RAB7A: variants seen among roughly 807,000 people sequenced by gnomAD.
The protein encoded by RAB7A is RAB7A, member RAS oncogene family.
Under a neutral mutation model 24.5 loss-of-function variants are expected in RAB7A, and 2 were observed. The observed-to-expected ratio is 0.08, with a 90% CI of 0.03 to 0.26. The LOEUF (loss-of-function observed/expected upper bound fraction) is 0.26, where lower values mean the gene tolerates loss of function less well. RAB7A is among the 10% of genes least tolerant of loss of function. The probability of loss-of-function intolerance (pLI) is 1.00; values close to 1 mark genes in which losing one functional copy is unlikely to be tolerated. For missense variants in RAB7A, 118 were observed against 255.7 expected (o/e 0.46, Z 3.67); for synonymous variants, 100 against 95.9 (o/e 1.04, Z -0.25).
chr3:128,746,513 A>G (rs890474723), intron 1 of RAB7A, among the ~76,000 whole-genome samples: 1 of 149,376 alleles, frequency 6.7e-6, no homozygotes, highest in Non-Finnish European at 1.5e-5. Flanking sequence ...TATTTTTTTT[A>G]TTTTTTTATT....
chr3:128,731,420 C>T (rs557730105), intron 1 of RAB7A, among the ~76,000 whole-genome samples: 77 of 152,344 alleles, frequency 5.1e-4, no homozygotes, highest in African/African-American at 1.8e-3. Context: ...CTGACCTGCA[C>T]CATGTTAATG....
chr3:128,743,175 C>T (rs557291060), intron 1 of RAB7A, among the ~76,000 whole-genome samples: 1 of 152,336 alleles, frequency 6.6e-6, no homozygotes, highest in East Asian at 1.9e-4. Context: ...GTGCTAAGCC[C>T]CTCACTGCCC....
chr3:128,757,908 C>T (rs938495155), intron 1 of RAB7A, among the ~76,000 whole-genome samples: 5 of 152,162 alleles, frequency 3.3e-5, no homozygotes, highest in Non-Finnish European at 5.9e-5. Context: ...GTCTTCCTGC[C>T]TCAGCCTCCC....
At chr3:128,783,905 C>T (rs1257620293) in intron 1 of RAB7A, among the ~76,000 whole-genome samples, 1 of 152,172 alleles carries the variant, frequency 6.6e-6, no homozygotes, top group East Asian at 1.9e-4. Context: ...CCTTTGAAAA[C>T]ATTCAGTATT....
chr3:128,812,802 C>T (rs1486589703), intron 5 of RAB7A, among the ~76,000 whole-genome samples: 2 of 152,086 alleles, frequency 1.3e-5, no homozygotes, highest in Admixed American at 6.5e-5. Flanking sequence ...CCATTGGTCC[C>T]GAAAAGTGGA....
intron 1 of RAB7A, among the ~76,000 whole-genome samples, chr3:128,780,394 T>A (rs1040105449): frequency 6.6e-6 from 1 of 151,920 alleles, no homozygotes; most frequent in Non-Finnish European, 1.5e-5. Flanking sequence ...GATGCCCTTG[T>A]CCAGGAAGGA....
rs971960418 is a variant in RAB7A, at chr3:128,814,575, C to T, written c.*1153C>T. The T allele has an allele frequency of 1.3e-5, 2 of 152,566 alleles. No homozygotes were observed. The highest frequency in any genetic ancestry group is 4.8e-5 in the African/African-American group (2 of 41,444). 9.5% of individuals were successfully genotyped at this position (152,566 alleles called of 1,614,324 possible). A position where few individuals can be genotyped will look rare whatever the true frequency, so the allele number is the denominator to read the frequency against. On this transcript the variant is annotated 3_prime_UTR_variant, in exon 6 of 6. Transcript: ENST00000265062. ...ATTCTTAGGTTAGCGGAGCTTTTTC[C>T]TCTTTTCCCCACCCATCTCCCCAAT...
intron 1 of RAB7A, among the ~76,000 whole-genome samples, chr3:128,786,293 T>G (rs1202943741): frequency 6.6e-6 from 1 of 152,166 alleles, no homozygotes; most frequent in African/African-American, 2.4e-5. Flanking sequence ...CCTAATTAGA[T>G]TCCTCAGTTT....
intron 1 of RAB7A, among the ~76,000 whole-genome samples, chr3:128,750,909 G>A (rs949352483): frequency 2.6e-5 from 4 of 152,194 alleles, no homozygotes; most frequent in South Asian, 2.1e-4. Context: ...GGTGCCCTGC[G>A]TCTCAGCAGC....
At chr3:128,735,816 GT>G (rs929424819) in intron 1 of RAB7A, among the ~76,000 whole-genome samples, 3 of 152,230 alleles carry the variant, frequency 2.0e-5, no homozygotes, top group Non-Finnish European at 4.4e-5. Context: ...TTATGTAACT[GT>G]TTTACTAGCT....
At chr3:128,788,291 A>T (rs535788104) in intron 1 of RAB7A, among the ~76,000 whole-genome samples, 1 of 152,222 alleles carries the variant, frequency 6.6e-6, no homozygotes, top group African/African-American at 2.4e-5. Flanking sequence ...TGTTGACTTA[A>T]TAAGGAAAGT....
chr3:128,749,284 A>G (rs897539660), intron 1 of RAB7A: 9 of 152,182 alleles, frequency 5.9e-5, no homozygotes, highest in African/African-American at 2.2e-4. Context: ...TGGTTGCTTG[A>G]GAGAGTTTGC....
chr3:128,793,436 G>T (rs1933503781), intron 1 of RAB7A, among the ~76,000 whole-genome samples: 1 of 151,198 alleles, frequency 6.6e-6, no homozygotes, highest in African/African-American at 2.4e-5. Flanking sequence ...TTACAAGCAT[G>T]AGCCACCGTG....
At chr3:128,785,508 C>T (rs1933318900) in intron 1 of RAB7A, 1 of 152,100 alleles carries the variant, frequency 6.6e-6, no homozygotes. Flanking sequence ...CCTGCAATCC[C>T]AGCACTTTGG....
At chr3:128,764,951 C>G in intron 1 of RAB7A, 2 of 1,596,300 alleles carry the variant, frequency 1.3e-6, no homozygotes, top group Non-Finnish European at 1.7e-6. Context: ...TTGATCTGGC[C>G]GTTGATGGCG....
In RAB7A at chr3:128,765,057, C is replaced by T. The variant is rs999524679; in HGVS notation, c.-8-30303C>T. 139 of 1,176,498 alleles carry T rather than the reference C, an allele frequency of 1.2e-4. 1 individual carries two copies. The South Asian group carries it at 1.6e-3, about 14-fold the overall frequency. The allele number at this position is 1,176,498 out of a possible 1,614,324, so 72.9% of individuals were successfully genotyped here. A position where few individuals can be genotyped will look rare whatever the true frequency, so the allele number is the denominator to read the frequency against. On this transcript the variant is annotated intron_variant, in intron 1 of 5. Coordinates refer to ENST00000265062, the MANE Select transcript of RAB7A (RefSeq NM_004637.6). Reference sequence around the variant, plus strand: ...AGAGGTGGCGGCGGTGGCTGCGCGGCGCTGGAGCGGCGGCGGGGGCCTTGG... The same window carrying T: ...AGAGGTGGCGGCGGTGGCTGCGCGGTGCTGGAGCGGCGGCGGGGGCCTTGG...
intron 1 of RAB7A, among the ~76,000 whole-genome samples, chr3:128,792,146 C>G (rs1055590617): frequency 6.6e-6 from 1 of 152,188 alleles, no homozygotes; most frequent in African/African-American, 2.4e-5. Context: ...GGTGGTCTCA[C>G]GGTCACTGCT....
At chr3:128,764,521 A>G in intron 1 of RAB7A, 1 of 872,608 alleles carries the variant, frequency 1.1e-6, no homozygotes, top group South Asian at 1.3e-5. Context: ...ATATTCTGCC[A>G]AGCCAGATTC....
rs1212582977 is a variant in RAB7A, at chr3:128,730,820, C to G, written c.-9+4461C>G. Among the ~76,000 whole-genome samples the G allele has an allele frequency of 2.0e-5, 3 of 152,110 alleles. No individual in the cohort carries two copies. The East Asian group carries it at 5.8e-4, about 29-fold the overall frequency. On this transcript the variant is annotated intron_variant, in intron 1 of 5. Transcript: ENST00000265062. Reference sequence around the variant, plus strand: ...GTACTTAACTCATGGGGCCTGGAGTCTCTGTTTTGGTGATGGCATCACTGC... The same window carrying G: ...GTACTTAACTCATGGGGCCTGGAGTGTCTGTTTTGGTGATGGCATCACTGC...
Sources: allele counts gnomAD v4.1 joint callset (sites outside exome capture counted in the v4.1 genomes callset), GRCh38; gene constraint gnomAD v4.1.1; transcripts MANE v1.5; gene names NCBI Gene and HGNC (gene_info 2026-07-23, HGNC 2026-07-21).